Variants in CDH2 observed in about 807,000 individuals in gnomAD.
CDH2 encodes the protein cadherin-2.
CDH2 carries 17 observed loss-of-function variants against 92.0 expected under a neutral mutation model. That is an observed-to-expected ratio of 0.18 (90% CI 0.13 to 0.28). The LOEUF (loss-of-function observed/expected upper bound fraction) is 0.28, where lower values mean the gene tolerates loss of function less well. Among genes scored for constraint, CDH2 ranks in the 10% least tolerant of loss-of-function variants. The pLI is 1.00. For missense variants in CDH2, 862 were observed against 1,133.1 expected, an observed-to-expected ratio of 0.76 and a Z score of 3.44; for synonymous variants, 419 against 415.9, an observed-to-expected ratio of 1.01 and a Z score of -0.09.
intron 2 of CDH2, among the ~76,000 whole-genome samples, chr18:28,098,937 C>G (rs1169850250): frequency 6.6e-6 from 1 of 151,964 alleles, no homozygotes; most frequent in Non-Finnish European, 1.5e-5. Flanking sequence ...ATGGACTTCA[C>G]AAATAAGGAA....
At chr18:28,015,030 A>G (rs1054864309) in intron 2 of CDH2, among the ~76,000 whole-genome samples, 2 of 152,156 alleles carry the variant, frequency 1.3e-5, no homozygotes, top group African/African-American at 4.8e-5. Context: ...TTTGGAGTGT[A>G]ATTAATAGCG....
intron 1 of CDH2, among the ~76,000 whole-genome samples, chr18:28,163,518 G>A (rs2016336023): frequency 6.6e-6 from 1 of 152,172 alleles, no homozygotes; most frequent in Non-Finnish European, 1.5e-5. Context: ...ATAAAGTTTG[G>A]GGAACACAGC....
chr18:28,066,170 A>C (rs2014502779), intron 2 of CDH2, among the ~76,000 whole-genome samples: 1 of 152,220 alleles, frequency 6.6e-6, no homozygotes, highest in Admixed American at 6.5e-5. Context: ...ATTACAATGG[A>C]CTGAACTAAA....
At chr18:28,120,132 A>G (rs2015562479) in intron 2 of CDH2, among the ~76,000 whole-genome samples, 1 of 152,028 alleles carries the variant, frequency 6.6e-6, no homozygotes, top group Non-Finnish European at 1.5e-5. Context: ...CTCATAATAA[A>G]CCAAGTGAAC....
intron 2 of CDH2, among the ~76,000 whole-genome samples, chr18:28,086,913 C>T (rs1196441587): frequency 6.6e-6 from 1 of 152,118 alleles, no homozygotes; most frequent in East Asian, 1.9e-4. Flanking sequence ...AGTCTTGCTC[C>T]AGTTTAAGGT....
intron 2 of CDH2, among the ~76,000 whole-genome samples, chr18:28,094,603 G>A (rs973577215): frequency 6.6e-6 from 1 of 151,774 alleles, no homozygotes; most frequent in African/African-American, 2.4e-5. Context: ...GACCATCCTG[G>A]CTAACATGGT....
At chr18:27,964,710 A>G (rs1567940071) in intron 14 of CDH2, among the ~76,000 whole-genome samples, 2 of 152,214 alleles carry the variant, frequency 1.3e-5, no homozygotes, top group African/African-American at 4.8e-5. Flanking sequence ...TGTGATACTA[A>G]GTTTTATTAT....
intron 2 of CDH2, among the ~76,000 whole-genome samples, chr18:28,135,465 C>A (rs938174898): frequency 3.9e-5 from 6 of 152,026 alleles, no homozygotes; most frequent in African/African-American, 1.4e-4. Flanking sequence ...AATGGGGTAC[C>A]AATATGATTG....
chr18:28,106,105 G>T (rs993154603), intron 2 of CDH2, among the ~76,000 whole-genome samples: 1 of 152,176 alleles, frequency 6.6e-6, no homozygotes, highest in African/African-American at 2.4e-5. Flanking sequence ...GTCACCATTA[G>T]CAAATGTGGG....
At chr18:28,056,480 A>C (rs1429388915) in intron 2 of CDH2, among the ~76,000 whole-genome samples, 2 of 152,138 alleles carry the variant, frequency 1.3e-5, no homozygotes, top group African/African-American at 4.8e-5. Context: ...TGTCTTTCTT[A>C]GGTCTTTGAT....
chr18:27,985,982 C>T (rs1178187978), intron 11 of CDH2, among the ~76,000 whole-genome samples: 3 of 152,088 alleles, frequency 2.0e-5, no homozygotes, highest in Non-Finnish European at 4.4e-5. Context: ...TCTGCAGGAG[C>T]TGAGCAAGGT....
intron 11 of CDH2, among the ~76,000 whole-genome samples, chr18:27,987,071 T>A (rs915627066): frequency 1.3e-5 from 2 of 152,216 alleles, no homozygotes; most frequent in Non-Finnish European, 2.9e-5. Flanking sequence ...TTCTCTCTCT[T>A]ATCAAAAGCC....
intron 2 of CDH2, among the ~76,000 whole-genome samples, chr18:28,061,237 A>C (rs1567983229): frequency 6.6e-6 from 1 of 152,194 alleles, no homozygotes; most frequent in African/African-American, 2.4e-5. Context: ...TTTAAACTTA[A>C]AGCAAAATTT....
At chr18:28,112,013 G>GGACA (rs1476960844) in intron 2 of CDH2, among the ~76,000 whole-genome samples, 1 of 152,098 alleles carries the variant, frequency 6.6e-6, no homozygotes, top group African/African-American at 2.4e-5. Context: ...AAAACTAGAA[G>GGACA]GACAGTCTGA....
chr18:28,155,004 A>C (rs1301175753), intron 1 of CDH2, among the ~76,000 whole-genome samples: 4 of 152,174 alleles, frequency 2.6e-5, no homozygotes, highest in Non-Finnish European at 5.9e-5. Flanking sequence ...CTTTTTCCCT[A>C]TCAGAGATTC....
chr18:28,041,550 G>T (rs182860430), intron 2 of CDH2, among the ~76,000 whole-genome samples: 4 of 152,312 alleles, frequency 2.6e-5, no homozygotes, highest in Admixed American at 2.6e-4. Flanking sequence ...AAGTGTCCAT[G>T]ACAACAGGAA....
chr18:28,176,116 T>A (rs545573506), intron 1 of CDH2, among the ~76,000 whole-genome samples: 12 of 152,126 alleles, frequency 7.9e-5, no homozygotes, highest in Non-Finnish European at 1.6e-4. Context: ...GAGGAGCCTC[T>A]TAGTAGAGAT....
At chr18:28,133,641 C>T (rs1469418010) in intron 2 of CDH2, among the ~76,000 whole-genome samples, 1 of 146,378 alleles carries the variant, frequency 6.8e-6, no homozygotes, top group African/African-American at 2.5e-5. Context: ...TAAATAAAAT[C>T]TATTGTCATT....
intron 2 of CDH2, among the ~76,000 whole-genome samples, chr18:28,125,490 G>A (rs1202890292): frequency 6.6e-6 from 1 of 151,876 alleles, no homozygotes; most frequent in Non-Finnish European, 1.5e-5. Context: ...TATTGGGGAG[G>A]GAAAAAATGG....
Sources: allele counts gnomAD v4.1 joint callset (sites outside exome capture counted in the v4.1 genomes callset), GRCh38; gene constraint gnomAD v4.1.1; transcripts MANE v1.5; gene names NCBI Gene and HGNC (gene_info 2026-07-23, HGNC 2026-07-21).